CADPS: variants seen among roughly 807,000 people sequenced by gnomAD.
CADPS encodes calcium-dependent secretion activator 1.
In CADPS, 57 loss-of-function variants were observed where a neutral mutation model predicts 167.3. The ratio of observed to expected loss-of-function variants is 0.34; its 90% CI spans 0.28 to 0.42. The LOEUF (loss-of-function observed/expected upper bound fraction) is 0.42, where lower values mean the gene tolerates loss of function less well. CADPS is among the 20% of genes least tolerant of loss of function. CADPS has a pLI of 1.00. For missense variants in CADPS, 1,414 were observed against 1,738.1 expected, an observed-to-expected ratio of 0.81 and a Z score of 3.32; for synonymous variants, 676 against 635.3, an observed-to-expected ratio of 1.06 and a Z score of -0.96.
At chr3:62,855,091 ATT>A (rs554197608) in intron 1 of CADPS, among the ~76,000 whole-genome samples, 2,888 of 92,722 alleles carry the variant, frequency 0.031, 60 homozygotes, top group East Asian at 0.098. Context: ...TGCCCGGCTA[ATT>A]TTTTTTTTTT....
rs570292875 is a variant in CADPS, at chr3:62,627,479, T to C, written c.1325+18243A>G. 1.6e-3 allele frequency among the ~76,000 whole-genome samples: 247 copies of C among 152,276 alleles called. 1 individual carries two copies. The highest frequency in any genetic ancestry group is 5.7e-3 in the African/African-American group (237 of 41,570). On this transcript the variant is annotated intron_variant, in intron 6 of 29. Transcript: ENST00000383710. ...AAGACCTACTTTATGGCCTGTTTACTAAAACGGAAATTTCAAATGCAGGGA... is the reference window on the plus strand; with the variant it reads ...AAGACCTACTTTATGGCCTGTTTACCAAAACGGAAATTTCAAATGCAGGGA...
At chr3:62,506,419 TTAAAAA>T (rs2066702078) in intron 17 of CADPS, among the ~76,000 whole-genome samples, 1 of 152,112 alleles carries the variant, frequency 6.6e-6, no homozygotes, top group Non-Finnish European at 1.5e-5. Flanking sequence ...TTTAAGACAA[TTAAAAA>T]TAATTTTATT....
At chr3:62,679,001 GA>G (rs1273651743) in intron 3 of CADPS, among the ~76,000 whole-genome samples, 3 of 152,026 alleles carry the variant, frequency 2.0e-5, no homozygotes, top group African/African-American at 7.3e-5. Flanking sequence ...ATTAGCCTGA[GA>G]AAAGAGATTG....
intron 6 of CADPS, among the ~76,000 whole-genome samples, chr3:62,596,173 C>T (rs1189658939): frequency 6.8e-6 from 1 of 147,770 alleles, no homozygotes; most frequent in African/African-American, 2.5e-5. Flanking sequence ...CTCTGGAGAA[C>T]CCTAATACAA....
intron 3 of CADPS, among the ~76,000 whole-genome samples, chr3:62,669,975 G>C (rs77831741): frequency 0.02 from 3,035 of 152,212 alleles, 118 homozygotes; most frequent in African/African-American, 0.069. Context: ...TAGTTTGCCT[G>C]TAGTTTCAGA....
chr3:62,671,436 G>A (rs1003634385), intron 3 of CADPS, among the ~76,000 whole-genome samples: 1 of 152,126 alleles, frequency 6.6e-6, no homozygotes, highest in African/African-American at 2.4e-5. Context: ...AAAACCAAGG[G>A]TATAGAGGAA....
chr3:62,874,464 T>G lies in CADPS; in HGVS notation c.441+125A>C, dbSNP rs549914845. 5.5e-6 allele frequency: 4 copies of G among 722,632 alleles called. No individual in the cohort carries two copies. The East Asian group carries it at 1.2e-4, about 21-fold the overall frequency. 44.8% of individuals were successfully genotyped at this position (722,632 alleles called of 1,614,324 possible). A position where few individuals can be genotyped will look rare whatever the true frequency, so the allele number is the denominator to read the frequency against. On this transcript the variant is annotated intron_variant, in intron 1 of 29. Coordinates refer to ENST00000383710, the MANE Select transcript of CADPS (RefSeq NM_003716.4). The surrounding 1 kb of genome is among the most constrained non-coding windows in gnomAD (Gnocchi z 7.1). ...GCTGGGAGGGGGCCTCGTAGCCCTT[T>G]CCCCAGGGCGCGGTCTCCACCTCTC...
At chr3:62,618,283 C>T (rs1241666656) in intron 6 of CADPS, among the ~76,000 whole-genome samples, 2 of 152,004 alleles carry the variant, frequency 1.3e-5, no homozygotes, top group Non-Finnish European at 2.9e-5. Context: ...TTAATGTCAT[C>T]GTTTGAGCAT....
chr3:62,852,510 G>A (rs1227696592), intron 1 of CADPS, among the ~76,000 whole-genome samples: 2 of 151,550 alleles, frequency 1.3e-5, no homozygotes, highest in Non-Finnish European at 2.9e-5. Flanking sequence ...ATTCATAATG[G>A]CCCCATCATG....
rs116644834 is a variant in CADPS, at chr3:62,711,731, T to C, written c.888+41710A>G. ...TCCTAGCAGCTTGGTTATGATCTGA[T>C]CTTTTGGGTTGTAGCAGGTTTGCTC... On this transcript the variant is annotated intron_variant, in intron 3 of 29. Transcript: ENST00000383710. 3.5e-3 allele frequency among the ~76,000 whole-genome samples: 527 copies of C among 152,332 alleles called. 3 individuals carry two copies. Among genetic ancestry groups the C allele is most frequent in the African/African-American group, 0.012 (513 of 41,588 alleles).
At chr3:62,632,882 G>T (rs558890688) in intron 6 of CADPS, among the ~76,000 whole-genome samples, 1 of 152,176 alleles carries the variant, frequency 6.6e-6, no homozygotes, top group East Asian at 1.9e-4. Flanking sequence ...TACAGCTGTA[G>T]AATAATCCTT....
chr3:62,634,106 A>T (rs2065810552), intron 6 of CADPS, among the ~76,000 whole-genome samples: 1 of 152,150 alleles, frequency 6.6e-6, no homozygotes, highest in South Asian at 2.1e-4. Flanking sequence ...CTCCTTCCGG[A>T]TAGGAAAGAA....
intron 3 of CADPS, among the ~76,000 whole-genome samples, chr3:62,723,579 GA>G (rs969736646): frequency 5.3e-5 from 8 of 150,746 alleles, no homozygotes; most frequent in Admixed American, 2.6e-4. Context: ...GGCTAAATAG[GA>G]AAAAAAAATC....
rs535757116 is a variant in CADPS, at chr3:62,574,152, C to T, written c.1578-3214G>A. Among the ~76,000 whole-genome samples the T allele has an allele frequency of 1.1e-3, 172 of 152,292 alleles. 1 individual carries two copies. The highest frequency in any genetic ancestry group is 2.6e-3 in the African/African-American group (110 of 41,564). The stretch of plus-strand genomic sequence containing the variant: ...CACCACCTGGACCATGACAGGAGTC[C>T]GCTAACTGGCCTCCCTACTTTCCTT... On this transcript the variant is annotated intron_variant, in intron 8 of 29. Transcript: ENST00000383710.
chr3:62,744,214 T>A (rs1426951574), intron 3 of CADPS, among the ~76,000 whole-genome samples: 1 of 152,184 alleles, frequency 6.6e-6, no homozygotes, highest in Non-Finnish European at 1.5e-5. Flanking sequence ...AAGTATTTAA[T>A]ACTTGGTAGG....
At position 62,533,001 on chromosome 3, in the gene CADPS, C is replaced by G; in HGVS notation, c.2161G>C (p.Val721Leu). The G allele has an allele frequency of 6.2e-7, 1 of 1,613,806 alleles. No individual in the cohort carries two copies. Among genetic ancestry groups the G allele is most frequent in the Non-Finnish European group, 8.5e-7 (1 of 1,179,820 alleles). ...CAGAGATGTCGGTGACACCCCCGGA[C>G]TCCATTTCGGGCGCAATACTCGTCT... ...VLDEYCARNG[V>L]RGCHRHLCYL... Residue 721 changes from valine (V) to leucine (L), a missense_variant, in exon 13 of 30, where the codon GTC becomes CTC. By Grantham distance (32) the Val-to-Leu change is conservative. Coordinates refer to ENST00000383710, the MANE Select transcript of CADPS (RefSeq NM_003716.4).
chr3:62,858,298 A>G (rs1188097229), intron 1 of CADPS, among the ~76,000 whole-genome samples: 1 of 152,152 alleles, frequency 6.6e-6, no homozygotes, highest in African/African-American at 2.4e-5. Flanking sequence ...GAGTCTCCTC[A>G]TGGTTCTAAG....
In CADPS at chr3:62,620,749, G is replaced by A. The variant is rs558730825; in HGVS notation, c.1325+24973C>T. Among the ~76,000 whole-genome samples, 6 of 152,268 alleles carry A rather than the reference G, an allele frequency of 3.9e-5. No homozygotes were observed. In the South Asian group the frequency reaches 6.2e-4, roughly 16 times the overall value. On this transcript the variant is annotated intron_variant, in intron 6 of 29. Transcript: ENST00000383710. ...GTGGAACTGGCATTCAGCAAATGCA[G>A]CACCCTTTGAAACCAACACCCTTGC...
At chr3:62,442,705 C>T (rs1036788031) in intron 27 of CADPS, among the ~76,000 whole-genome samples, 2 of 152,088 alleles carry the variant, frequency 1.3e-5, no homozygotes, top group Non-Finnish European at 2.9e-5. Context: ...GCTACTCTAC[C>T]ACACCCCTGG....
Sources: allele counts gnomAD v4.1 joint callset (sites outside exome capture counted in the v4.1 genomes callset), GRCh38; gene constraint gnomAD v4.1.1; non-coding constraint Gnocchi (gnomAD v3.1); transcripts MANE v1.5; gene names NCBI Gene and HGNC (gene_info 2026-07-23, HGNC 2026-07-21).